The following BTNL3 variants were observed in gnomAD, a reference collection of about 807,000 sequenced individuals.
BTNL3 encodes the protein butyrophilin like 3.
BTNL3 carries 20 observed loss-of-function variants against 40.1 expected under a neutral mutation model. The ratio of observed to expected loss-of-function variants is 0.50; its 90% CI spans 0.35 to 0.72. The LOEUF is 0.72. Among genes scored for constraint, BTNL3 ranks in the 30% least tolerant of loss-of-function variants. BTNL3 has a pLI of 0.01. For synonymous variants in BTNL3, 179 were observed against 222.1 expected, an observed-to-expected ratio of 0.81 and a Z score of 1.73; for missense variants, 449 against 582.2, an observed-to-expected ratio of 0.77 and a Z score of 2.35.
Position 181,000,763 on chromosome 5 carries a change from G to A in BTNL3, c.674-1909G>A, listed in dbSNP as rs1183809227. 6.0e-5 allele frequency among the ~76,000 whole-genome samples: 8 copies of A among 133,716 alleles called. 1 individual carries two copies. Among genetic ancestry groups the A allele is most frequent in the South Asian group, 2.2e-4 (1 of 4,560 alleles). 87.7% of individuals were successfully genotyped at this position (133,716 alleles called of 152,430 possible). On this transcript the variant is annotated intron_variant, in intron 3 of 7. Transcript: ENST00000342868. The stretch of plus-strand genomic sequence containing the variant: ...GGAGCTTGCAGTGAGCCGAGATTGC[G>A]CCACTGCAGTCCGCAGTCCGGCCTG...
rs1347318248 is a variant in BTNL3 at position 180,989,065 on chromosome 5, G to A, written c.37G>A (p.Glu13Lys). 1.4e-6 allele frequency: 2 copies of A among 1,446,978 alleles called. No homozygotes were observed. The highest frequency in any genetic ancestry group is 9.5e-7 in the Non-Finnish European group (1 of 1,050,424). The allele number at this position is 1,446,978 out of a possible 1,614,324, so 89.6% of individuals were successfully genotyped here. A position where few individuals can be genotyped will look rare whatever the true frequency, so the allele number is the denominator to read the frequency against. Residue 13 changes from glutamate to lysine, a missense_variant, in exon 1 of 8, where the codon GAG becomes AAG. Coordinates refer to ENST00000342868, the MANE Select transcript of BTNL3 (RefSeq NM_197975.3). Reference sequence around the variant, plus strand: ...GCTCATTTTGGTTCTCAGTTTCTACGAGCTGGTGTCAGGTAAGCCTTTCAG... The same window carrying A: ...GCTCATTTTGGTTCTCAGTTTCTACAAGCTGGTGTCAGGTAAGCCTTTCAG... ...FVLILVLSFY[E>K]LVSGQWQVTG... is the part of the protein sequence containing the mutation.
At chr5:180,995,379 T>G (rs563724437) in intron 2 of BTNL3, among the ~76,000 whole-genome samples, 2 of 137,144 alleles carry the variant, frequency 1.5e-5, no homozygotes, top group South Asian at 4.3e-4. Context: ...TTAACTATTG[T>G]AAGATACTCT....
intron 2 of BTNL3, among the ~76,000 whole-genome samples, chr5:180,994,796 T>G (rs1473354613): frequency 2.2e-5 from 3 of 134,244 alleles, no homozygotes; most frequent in African/African-American, 7.7e-5. Flanking sequence ...TTTTTTTTTT[T>G]TTATGAGATG....
intron 7 of BTNL3, 126 bp from the exon 8 acceptor site, chr5:181,005,208 G>T: frequency 3.3e-6 from 5 of 1,505,942 alleles, no homozygotes; most frequent in Non-Finnish European, 4.5e-6. Context: ...GTACATGGCT[G>T]GTGGGATAGT....
intron 3 of BTNL3, among the ~76,000 whole-genome samples, chr5:180,999,556 G>A (rs1760078071): frequency 7.3e-6 from 1 of 137,030 alleles, no homozygotes; most frequent in Non-Finnish European, 1.7e-5. Flanking sequence ...TCCCAGCAGT[G>A]TGGAAGGCTG....
intron 2 of BTNL3, among the ~76,000 whole-genome samples, chr5:180,995,071 G>A (rs972830397): frequency 7.3e-6 from 1 of 136,836 alleles, no homozygotes; most frequent in Non-Finnish European, 1.7e-5. Context: ...ACAGGCCTGA[G>A]CCACCATGCC....
rs764012366 is a variant in BTNL3, at chr5:181,005,356, GACGGCTC to G, written c.888_894del (p.Ala297ArgfsTer8). The G allele has an allele frequency of 9.3e-6, 15 of 1,612,060 alleles. No homozygotes were observed. The highest frequency in any genetic ancestry group is 2.0e-4 in the Middle Eastern group (1 of 4,990). On this transcript the variant is annotated frameshift_variant, in exon 8 of 8. Transcript: ENST00000342868. LOFTEE classifies it low-confidence loss of function (END_TRUNC). Reference sequence around the variant, plus strand: ...CAGTGGAGGTGACTCTGGATCCAGAGACGGCTCACCCGAAGCTCTGCGTTTCTGATCT... The same window carrying G: ...CAGTGGAGGTGACTCTGGATCCAGAGACCCGAAGCTCTGCGTTTCTGATCT...
intron 3 of BTNL3, among the ~76,000 whole-genome samples, chr5:181,001,048 C>T (rs1760102236): frequency 7.4e-6 from 1 of 134,994 alleles, no homozygotes; most frequent in African/African-American, 2.5e-5. Flanking sequence ...AATTTACAGA[C>T]AAATTCTTTC....
In BTNL3 at chr5:181,006,184, C is replaced by T; in HGVS notation, c.*312C>T. On this transcript the variant is annotated 3_prime_UTR_variant, in exon 8 of 8. Transcript: ENST00000342868. ...CTCCATCCAGCTAAGCGATCTTGAA[C>T]AAGTCACAACCTCCCAGGCTCCTCA... The T allele has an allele frequency of 4.7e-6, 2 of 425,952 alleles. No homozygotes were observed. The highest frequency in any genetic ancestry group is 6.0e-4 in the Middle Eastern group (1 of 1,656). The allele number at this position is 425,952 out of a possible 1,614,324, so 26.4% of individuals were successfully genotyped here.
rs980424562 is a variant in BTNL3, at chr5:180,990,849, G to A, written c.49+1772G>A. ...GGTGCGCTAATGAGCAGGTTGCTGC[G>A]GTGGCAACTGGGACCCAGTCCCACT... is the stretch of plus-strand genomic sequence containing the variant. On this transcript the variant is annotated intron_variant, in intron 1 of 7. Transcript: ENST00000342868. 1.8e-4 allele frequency among the ~76,000 whole-genome samples: 25 copies of A among 137,200 alleles called. 5 individuals carry two copies. Among genetic ancestry groups the A allele is most frequent in the Non-Finnish European group, 4.0e-4 (24 of 59,812 alleles). The allele number at this position is 137,200 out of a possible 152,430, so 90.0% of individuals were successfully genotyped here.
intron 2 of BTNL3, among the ~76,000 whole-genome samples, chr5:180,993,903 T>G (rs1256609550): frequency 7.3e-6 from 1 of 137,096 alleles, no homozygotes; most frequent in Non-Finnish European, 1.7e-5. Context: ...TGGATTCAAG[T>G]GACTCTTGTA....
In BTNL3 at chr5:180,997,089, T is replaced by TGA. The variant is rs145632920; in HGVS notation, c.398-107_398-106dup. 777 of 1,102,970 alleles carry TGA rather than the reference T, an allele frequency of 7.0e-4. 7 individuals are homozygous for TGA. The highest frequency in any genetic ancestry group is 8.3e-4 in the Non-Finnish European group (649 of 782,188). The allele number at this position is 1,102,970 out of a possible 1,614,324, so 68.3% of individuals were successfully genotyped here. Reference sequence around the variant, plus strand: ...ACAGAGAGAAAAGGATGTGTGTGTGTGAGAGAGAGAGAGAGAGAAAAGGAT... The same window carrying TGA: ...ACAGAGAGAAAAGGATGTGTGTGTGTGAGAGAGAGAGAGAGAGAGAAAAGGAT... On this transcript the variant is annotated intron_variant, in intron 2 of 7. Transcript: ENST00000342868.
At position 181,006,092 on chromosome 5, in the gene BTNL3, A is replaced by T. The variant is rs554364604; in HGVS notation, c.*220A>T. The stretch of plus-strand genomic sequence containing the variant: ...GGGGGGATTGGCCTGACCCTGTGGG[A>T]GTCAGAAGCCATGGCTGCCCTGAAG... On this transcript the variant is annotated 3_prime_UTR_variant, in exon 8 of 8. Coordinates refer to ENST00000342868, the MANE Select transcript of BTNL3 (RefSeq NM_197975.3). The T allele has an allele frequency of 3.3e-5, 17 of 520,082 alleles. No individual in the cohort carries two copies. The East Asian group carries it at 4.2e-4, about 13-fold the overall frequency. The allele number at this position is 520,082 out of a possible 1,614,324, so 32.2% of individuals were successfully genotyped here. A position where few individuals can be genotyped will look rare whatever the true frequency, so the allele number is the denominator to read the frequency against.
In BTNL3 at chr5:180,989,131, G is replaced by T. The variant is rs902198112; in HGVS notation, c.49+54G>T. The T allele has an allele frequency of 2.3e-5, 32 of 1,392,266 alleles. 2 individuals are homozygous for T. The African/African-American group carries it at 3.8e-4, about 17-fold the overall frequency. The allele number at this position is 1,392,266 out of a possible 1,614,324, so 86.2% of individuals were successfully genotyped here. On this transcript the variant is annotated intron_variant, in intron 1 of 7. Coordinates refer to ENST00000342868, the MANE Select transcript of BTNL3 (RefSeq NM_197975.3). ...TTCTCCTTGTTGAATAATATTTTGA[G>T]TTCATTCATGACAATGATCTCAGCA...
rs1428879665 is a variant in BTNL3, at chr5:181,002,176, A to G, written c.674-496A>G. Among the ~76,000 whole-genome samples the G allele has an allele frequency of 1.5e-5, 2 of 132,808 alleles. 1 individual carries two copies. Among genetic ancestry groups the G allele is most frequent in the Non-Finnish European group, 3.4e-5 (2 of 58,570 alleles). The allele number at this position is 132,808 out of a possible 152,430, so 87.1% of individuals were successfully genotyped here. ...ACAGAGATAACCCTATGGATCAATG[A>G]GAGAGAACAAAGAGCCCAGAAACAA... is the stretch of plus-strand genomic sequence containing the variant. On this transcript the variant is annotated intron_variant, in intron 3 of 7. Transcript: ENST00000342868.
At chr5:180,999,183 G>T (rs1760073872) in intron 3 of BTNL3, among the ~76,000 whole-genome samples, 1 of 136,248 alleles carries the variant, frequency 7.3e-6, no homozygotes, top group Non-Finnish European at 1.7e-5. Flanking sequence ...GCATGAAATA[G>T]CTGAATATTG....
intron 2 of BTNL3, among the ~76,000 whole-genome samples, chr5:180,994,288 T>C (rs1333073543): frequency 7.3e-6 from 1 of 137,328 alleles, no homozygotes; most frequent in Non-Finnish European, 1.7e-5. Context: ...ATTCTCTTAG[T>C]TTTTGTTTAT....
In BTNL3 at chr5:180,992,661, C is replaced by T. The variant is rs929467731; in HGVS notation, c.50-152C>T. ...GAAGTAACTGACATGGAAGCATTCTCGCAAGTGTAAGATGTGCAAATGCAA... is the reference window on the plus strand; with the variant it reads ...GAAGTAACTGACATGGAAGCATTCTTGCAAGTGTAAGATGTGCAAATGCAA... On this transcript the variant is annotated intron_variant, in intron 1 of 7. Coordinates refer to ENST00000342868, the MANE Select transcript of BTNL3 (RefSeq NM_197975.3). Among the ~76,000 whole-genome samples, 10 of 137,450 alleles carry T rather than the reference C, an allele frequency of 7.3e-5. 2 individuals carry two copies. The highest frequency in any genetic ancestry group is 2.2e-4 in the South Asian group (1 of 4,594). 90.2% of individuals were successfully genotyped at this position (137,450 alleles called of 152,430 possible). A position where few individuals can be genotyped will look rare whatever the true frequency, so the allele number is the denominator to read the frequency against.
chr5:181,003,908 G>T, intron 5 of BTNL3, 32 bp downstream of exon 5: 2 of 1,613,988 alleles, frequency 1.2e-6, no homozygotes, highest in Non-Finnish European at 1.7e-6. Context: ...TCCCACACAT[G>T]GTTCTCCCGG....
Sources: gnomAD v4.1 joint callset for allele counts (sites outside exome capture counted in the v4.1 genomes callset) on GRCh38, gnomAD v4.1.1 for gene constraint, MANE v1.5 for transcripts, NCBI Gene and HGNC (gene_info 2026-07-23, HGNC 2026-07-21) for gene names.